The following SRFBP1 variants were observed in gnomAD, a reference collection of about 807,000 sequenced individuals.
SRFBP1 encodes the protein serum response factor-binding protein 1.
In SRFBP1, 47 loss-of-function variants were observed where a neutral mutation model predicts 45.5. That is an observed-to-expected ratio of 1.03 (90% confidence interval 0.82 to 1.32). SRFBP1 has a LOEUF of 1.32. Among genes scored for constraint, SRFBP1 ranks in the 40% most tolerant of loss-of-function variants. The pLI is 0.00. For synonymous variants in SRFBP1, 203 were observed against 166.3 expected, an observed-to-expected ratio of 1.22 and a Z score of -1.70; for missense variants, 621 against 484.6, an observed-to-expected ratio of 1.28 and a Z score of -2.64.
intron 2 of SRFBP1, among the ~76,000 whole-genome samples, chr5:122,074,877 C>G (rs1754570703): frequency 6.6e-6 from 1 of 152,146 alleles, no homozygotes; most frequent in South Asian, 2.1e-4. Flanking sequence ...AGGCAAGTTA[C>G]TAAGGCAAAT....
At chr5:122,066,759 G>A in intron 2 of SRFBP1, 1 of 1,572,558 alleles carries the variant, frequency 6.4e-7, no homozygotes, top group Non-Finnish European at 8.7e-7. Flanking sequence ...CCTAGATTAA[G>A]AAGACAAAAT....
chr5:122,006,419 C>A (rs1161462138), intron 4 of SRFBP1, among the ~76,000 whole-genome samples: 3 of 152,008 alleles, frequency 2.0e-5, no homozygotes, highest in Admixed American at 2.0e-4. Flanking sequence ...CTCCCTGTAC[C>A]TGGGTATTTA....
chr5:122,008,710 A>G (rs1220896354), intron 4 of SRFBP1, among the ~76,000 whole-genome samples: 1 of 152,182 alleles, frequency 6.6e-6, no homozygotes, highest in Middle Eastern at 3.4e-3. Flanking sequence ...CTGTGCAGGT[A>G]TGAGCCCTAG....
At chr5:122,051,298 C>T (rs1395988354) in intron 2 of SRFBP1, among the ~76,000 whole-genome samples, 1 of 152,068 alleles carries the variant, frequency 6.6e-6, no homozygotes, top group African/African-American at 2.4e-5. Flanking sequence ...AGTTCAGGCC[C>T]TGAATATCTT....
intron 2 of SRFBP1, among the ~76,000 whole-genome samples, chr5:122,041,840 C>T (rs939989630): frequency 6.6e-6 from 1 of 152,110 alleles, no homozygotes; most frequent in African/African-American, 2.4e-5. Context: ...TCCAGTAAAA[C>T]ATACAATAAT....
chr5:121,963,617 T>G (rs966229745), intron 1 of SRFBP1, among the ~76,000 whole-genome samples: 1 of 152,206 alleles, frequency 6.6e-6, no homozygotes, highest in African/African-American at 2.4e-5. Flanking sequence ...GGGTTAGGTG[T>G]CTGTTCTTTG....
chr5:122,058,176 A>AT (rs1754115564), intron 2 of SRFBP1, among the ~76,000 whole-genome samples: 1 of 152,138 alleles, frequency 6.6e-6, no homozygotes, highest in Non-Finnish European at 1.5e-5. Flanking sequence ...ATCATGATTT[A>AT]TTGGCAATGT....
chr5:121,966,927 C>T (rs1163801646), intron 1 of SRFBP1, among the ~76,000 whole-genome samples: 1 of 149,904 alleles, frequency 6.7e-6, no homozygotes, highest in Non-Finnish European at 1.5e-5. Flanking sequence ...CTACAGGCGT[C>T]CACCATCACG....
chr5:122,063,601 G>A (rs999743907), intron 2 of SRFBP1: 2 of 151,868 alleles, frequency 1.3e-5, no homozygotes, highest in Admixed American at 6.6e-5. Context: ...TTAACTCACT[G>A]ATTGAATATG....
intron 2 of SRFBP1, among the ~76,000 whole-genome samples, chr5:122,045,660 T>C (rs540102597): frequency 1.2e-4 from 18 of 152,304 alleles, no homozygotes; most frequent in Admixed American, 6.5e-4. Context: ...TTGGCTTGTA[T>C]GTCACTGGTG....
At chr5:122,077,691 T>C (rs759712410), downstream of SRFBP1, 72 of 1,598,694 alleles carry the variant, frequency 4.5e-5, no homozygotes, top group Non-Finnish European at 6.0e-5. This position sits in a 1 kb window ranked among gnomAD's most constrained non-coding sequence, Gnocchi z 4.9. Context: ...GCCGCGGCGG[T>C]GCGGTTGTCG....
chr5:122,012,798 A>G (rs536955052), intron 4 of SRFBP1, among the ~76,000 whole-genome samples: 1 of 152,248 alleles, frequency 6.6e-6, no homozygotes, highest in African/African-American at 2.4e-5. Context: ...CCAGTATTCT[A>G]ATTAGTACTT....
downstream of SRFBP1, among the ~76,000 whole-genome samples, chr5:122,078,690 AAG>A (rs1272046235): frequency 1.3e-5 from 2 of 152,104 alleles, no homozygotes; most frequent in African/African-American, 4.8e-5. Context: ...ATTGTGACTA[AAG>A]TTTATCCATA....
In SRFBP1 at chr5:122,066,540, A is replaced by T. The variant is rs1561415370; in HGVS notation, n.312-8775A>T. The T allele has an allele frequency of 1.2e-5, 6 of 499,520 alleles. 1 individual carries two copies. In the South Asian group the frequency reaches 2.0e-4, roughly 17 times the overall value. 30.9% of individuals were successfully genotyped at this position (499,520 alleles called of 1,614,324 possible). A position where few individuals can be genotyped will look rare whatever the true frequency, so the allele number is the denominator to read the frequency against. On this transcript the variant is annotated intron_variant and non_coding_transcript_variant, in intron 2 of 2. Transcript: ENST00000504881. ...TCACAAAGTGATGTAAATAATAAAC[A>T]TTAAAAATTTCCCAAGTAATGATGA... is the stretch of plus-strand genomic sequence containing the variant.
At chr5:121,979,169 T>C (rs1393888463) in intron 3 of SRFBP1, among the ~76,000 whole-genome samples, 1 of 152,198 alleles carries the variant, frequency 6.6e-6, no homozygotes, top group East Asian at 1.9e-4. Flanking sequence ...ATAATAACTA[T>C]ATCATACCAC....
Position 121,964,292 on chromosome 5 carries a change from C to T in SRFBP1, c.36+2224C>T, listed in dbSNP as rs188859803. Among the ~76,000 whole-genome samples the T allele has an allele frequency of 4.8e-4, 73 of 152,184 alleles. 1 individual carries two copies. Among genetic ancestry groups the T allele is most frequent in the African/African-American group, 1.7e-3 (69 of 41,500 alleles). On this transcript the variant is annotated intron_variant, in intron 1 of 7. Transcript: ENST00000339397. ...ACATGTGCCATGGTGGTTTACTGCA[C>T]CCATTAACCTGTCGTCTACATTAGG... is the stretch of plus-strand genomic sequence containing the variant.
chr5:122,070,146 A>G, intron 2 of SRFBP1: 1 of 1,612,422 alleles, frequency 6.2e-7, no homozygotes, highest in Non-Finnish European at 8.5e-7. Flanking sequence ...TTCAGGAACC[A>G]GGTAGCTGGG....
rs1359367373 is a variant in SRFBP1, at chr5:121,971,234, A to G, written c.37-2962A>G. 2.0e-4 allele frequency among the ~76,000 whole-genome samples: 31 copies of G among 152,066 alleles called. 2 individuals are homozygous for G. Among genetic ancestry groups the G allele is most frequent in the Admixed American group, 2.0e-3 (31 of 15,240 alleles). ...AACTGATTGGAGAGAGGCAAGAAGA[A>G]CAGGTGTGGAGAAACCGGTTAACAG... On this transcript the variant is annotated intron_variant, in intron 1 of 7. Coordinates refer to ENST00000339397, the MANE Select transcript of SRFBP1 (RefSeq NM_152546.3).
chr5:122,070,050 T>C (rs762161487), intron 2 of SRFBP1: 1 of 1,595,472 alleles, frequency 6.3e-7, no homozygotes, highest in South Asian at 1.1e-5. Context: ...AAATAACACT[T>C]ACGGTGAAAT....
Sources: allele counts gnomAD v4.1 joint callset (sites outside exome capture counted in the v4.1 genomes callset), GRCh38; gene constraint gnomAD v4.1.1; non-coding constraint Gnocchi (gnomAD v3.1); transcripts MANE v1.5; gene names NCBI Gene and HGNC (gene_info 2026-07-23, HGNC 2026-07-21).